The following SLC25A48 variants were observed in gnomAD, a reference collection of about 807,000 sequenced individuals.
SLC25A48 encodes solute carrier family 25 member 48, also known as CTC-321K16.1.
SLC25A48 carries 29 observed loss-of-function variants against 32.2 expected under a neutral mutation model. The ratio of observed to expected loss-of-function variants is 0.90; its 90% CI spans 0.67 to 1.23. The LOEUF (loss-of-function observed/expected upper bound fraction) is 1.23, where lower values mean the gene tolerates loss of function less well. Among genes scored for constraint, SLC25A48 ranks in the 50% most tolerant of loss-of-function variants. The pLI is 0.00. For synonymous variants in SLC25A48, 164 were observed against 172.3 expected (o/e 0.95, Z 0.38); for missense variants, 399 against 422.7 (o/e 0.94, Z 0.49).
rs182436183 is a variant in SLC25A48, at chr5:135,756,563, C to T, written c.-520-55960C>T. ...GTGCGTGCCTGTAATCCCAGCTACT[C>T]GGGAGGCTGAGGCATGAGAATCACT... On this transcript the variant is annotated intron_variant, in intron 3 of 10. Transcript: ENST00000646290. Among the ~76,000 whole-genome samples the T allele has an allele frequency of 6.6e-3, 1,009 of 151,984 alleles. 9 individuals are homozygous for T. The highest frequency in any genetic ancestry group is 0.023 in the African/African-American group (940 of 41,482).
At chr5:135,660,332 C>T (rs964904516) in intron 3 of SLC25A48, among the ~76,000 whole-genome samples, 1 of 152,118 alleles carries the variant, frequency 6.6e-6, no homozygotes, top group African/African-American at 2.4e-5. Context: ...TAATCCAACC[C>T]CACCCAACTC....
At chr5:135,821,028 C>T (rs1757870814) in intron 4 of SLC25A48, among the ~76,000 whole-genome samples, 1 of 152,214 alleles carries the variant, frequency 6.6e-6, no homozygotes, top group Non-Finnish European at 1.5e-5. Context: ...GCCTCAAGCC[C>T]TAAGGCTAGA....
chr5:135,850,312 ACCCTTTGCTGG>A, intron 2 of SLC25A48, 102 bp from the exon 3 acceptor site: 1 of 1,045,368 alleles, frequency 9.6e-7, no homozygotes, highest in Non-Finnish European at 1.5e-6. Flanking sequence ...TGAAACCCAG[ACCCTTTGCTGG>A]CGGGGGTCAC....
chr5:135,698,224 T>C (rs1754311753), intron 3 of SLC25A48, among the ~76,000 whole-genome samples: 1 of 152,258 alleles, frequency 6.6e-6, no homozygotes, highest in Non-Finnish European at 1.5e-5. Context: ...GGCTGGGACC[T>C]GCTATGGTTC....
intron 1 of SLC25A48, among the ~76,000 whole-genome samples, chr5:135,585,368 G>A (rs1357270506): frequency 6.6e-6 from 1 of 152,186 alleles, no homozygotes; most frequent in Non-Finnish European, 1.5e-5. Context: ...TCATTTTACA[G>A]GGAAGCCCTC....
intron 3 of SLC25A48, among the ~76,000 whole-genome samples, chr5:135,771,390 T>A (rs538788957): frequency 1.3e-5 from 2 of 151,774 alleles, no homozygotes; most frequent in East Asian, 3.9e-4. Context: ...ACTTCATATA[T>A]CACGGGGGGT....
At chr5:135,710,010 C>T (rs1754615998) in intron 3 of SLC25A48, among the ~76,000 whole-genome samples, 1 of 152,210 alleles carries the variant, frequency 6.6e-6, no homozygotes, top group Non-Finnish European at 1.5e-5. Flanking sequence ...GTAAAGCTCA[C>T]AACATGATGA....
chr5:135,618,897 T>G (rs934202565), intron 1 of SLC25A48, among the ~76,000 whole-genome samples: 3 of 150,268 alleles, frequency 2.0e-5, no homozygotes, highest in Non-Finnish European at 4.4e-5. Flanking sequence ...GATGACTAGA[T>G]GCCTTTCTCT....
intron 3 of SLC25A48, among the ~76,000 whole-genome samples, chr5:135,748,583 TCTC>T (rs2127006350): frequency 6.6e-6 from 1 of 152,196 alleles, no homozygotes; most frequent in African/African-American, 2.4e-5. Context: ...TGCAAGTTAT[TCTC>T]CTTTCGCTGA....
At chr5:135,775,965 G>A (rs1357893466) in intron 3 of SLC25A48, among the ~76,000 whole-genome samples, 1 of 151,602 alleles carries the variant, frequency 6.6e-6, no homozygotes, top group Non-Finnish European at 1.5e-5. Flanking sequence ...AAGGTGAGAG[G>A]GTGATATTAC....
chr5:135,769,365 C>T (rs1259881817), intron 3 of SLC25A48, among the ~76,000 whole-genome samples: 9 of 150,544 alleles, frequency 6.0e-5, no homozygotes, highest in Non-Finnish European at 1.3e-4. Flanking sequence ...TGATATTACT[C>T]CAAATATCCC....
intron 3 of SLC25A48, among the ~76,000 whole-genome samples, chr5:135,802,187 C>G (rs1351903739): frequency 6.6e-6 from 1 of 151,682 alleles, no homozygotes; most frequent in Non-Finnish European, 1.5e-5. Context: ...TGACTACACC[C>G]TGTTATACTA....
chr5:135,590,050 G>C (rs1751480890), intron 1 of SLC25A48, among the ~76,000 whole-genome samples: 1 of 152,168 alleles, frequency 6.6e-6, no homozygotes, highest in Admixed American at 6.5e-5. Context: ...TCCCAGATTT[G>C]CTTTTTTGTT....
At chr5:135,663,669 A>G (rs775825288) in intron 3 of SLC25A48, among the ~76,000 whole-genome samples, 51 of 152,234 alleles carry the variant, frequency 3.4e-4, no homozygotes, top group Non-Finnish European at 4.9e-4. Context: ...AAAAATGAAC[A>G]CAGCTATGTA....
chr5:135,760,230 T>C (rs943225420), intron 3 of SLC25A48, among the ~76,000 whole-genome samples: 5 of 152,230 alleles, frequency 3.3e-5, no homozygotes, highest in Admixed American at 6.5e-5. Flanking sequence ...ATTCCTGTTA[T>C]AGTTACATAG....
chr5:135,840,704 A>G (rs1266578768), intron 1 of SLC25A48, among the ~76,000 whole-genome samples: 20 of 152,154 alleles, frequency 1.3e-4, no homozygotes, highest in Admixed American at 1.3e-3. Flanking sequence ...ATTTAGCATA[A>G]TGTTTTGGAG....
intron 1 of SLC25A48, among the ~76,000 whole-genome samples, chr5:135,590,345 G>A (rs1751490634): frequency 6.6e-6 from 1 of 152,156 alleles, no homozygotes; most frequent in African/African-American, 2.4e-5. Flanking sequence ...ACCCTGAAGA[G>A]CTGGAGGAGG....
intron 1 of SLC25A48, among the ~76,000 whole-genome samples, chr5:135,596,116 C>T (rs1271238125): frequency 6.6e-6 from 1 of 152,170 alleles, no homozygotes; most frequent in African/African-American, 2.4e-5. Context: ...TTATTGATAG[C>T]CAAATAGTTA....
At chr5:135,692,991 A>G (rs1318326992) in intron 3 of SLC25A48, among the ~76,000 whole-genome samples, 1 of 152,232 alleles carries the variant, frequency 6.6e-6, no homozygotes, top group African/African-American at 2.4e-5. Context: ...ATACCAGTTA[A>G]GATCAAATTA....
Sources: gnomAD v4.1 joint callset for allele counts (sites outside exome capture counted in the v4.1 genomes callset) on GRCh38, gnomAD v4.1.1 for gene constraint, MANE v1.5 for transcripts, NCBI Gene and HGNC (gene_info 2026-07-23, HGNC 2026-07-21) for gene names.